The following CFAP73 variants were observed in gnomAD, a reference collection of about 807,000 sequenced individuals.
CFAP73 encodes the protein cilia- and flagella-associated protein 73.
Under a neutral mutation model 42.9 loss-of-function variants are expected in CFAP73, and 33 were observed. The ratio of observed to expected loss-of-function variants is 0.77; its 90% CI spans 0.58 to 1.03. CFAP73 has a LOEUF of 1.03. CFAP73 is among the 50% of genes least tolerant of loss of function. The pLI is 0.00. For missense variants in CFAP73, 392 were observed against 411.9 expected (o/e 0.95, Z 0.42); for synonymous variants, 162 against 186.8 (o/e 0.87, Z 1.08).
intron 4 of CFAP73, 112 bp downstream of exon 4, chr12:113,153,520 G>A: frequency 1.1e-6 from 1 of 871,758 alleles, no homozygotes; most frequent in Non-Finnish European, 1.6e-6. Flanking sequence ...GGAGATCTTG[G>A]CATGCATGCC....
At position 113,154,393 on chromosome 12, in the gene CFAP73, C is replaced by A. The variant is rs1345917253; in HGVS notation, c.469-21C>A. On this transcript the variant is annotated intron_variant, in intron 4 of 7. Coordinates refer to ENST00000335621, the MANE Select transcript of CFAP73 (RefSeq NM_001144872.3). The surrounding 1 kb of genome is among the most constrained non-coding windows in gnomAD (Gnocchi z 4.7). Reference sequence around the variant, plus strand: ...AGGCACTGCAGGCCCATGTGAGTCCCTTCCCCGCCCCCGACTCTAGTTCCA... The same window carrying A: ...AGGCACTGCAGGCCCATGTGAGTCCATTCCCCGCCCCCGACTCTAGTTCCA... The A allele has an allele frequency of 1.9e-6, 3 of 1,548,458 alleles. No homozygotes were observed. In the South Asian group the frequency reaches 3.6e-5, roughly 18 times the overall value.
In CFAP73 at chr12:113,158,748, C is replaced by A; in HGVS notation, c.*59C>A. On this transcript the variant is annotated 3_prime_UTR_variant, in exon 8 of 8. Coordinates refer to ENST00000335621, the MANE Select transcript of CFAP73 (RefSeq NM_001144872.3). This position sits in a 1 kb window ranked among gnomAD's most constrained non-coding sequence, Gnocchi z 4.9. Reference sequence around the variant, plus strand: ...TGTGGCCATACAGTGCTCCTTTTCACAGATGATGGCTCCTGCAGGGAGTGC... The same window carrying A: ...TGTGGCCATACAGTGCTCCTTTTCAAAGATGATGGCTCCTGCAGGGAGTGC... 9.5e-7 allele frequency: 1 copy of A among 1,057,558 alleles called. No individual in the cohort carries two copies. The highest frequency in any genetic ancestry group is 2.6e-5 in the East Asian group (1 of 37,780). The allele number at this position is 1,057,558 out of a possible 1,614,324, so 65.5% of individuals were successfully genotyped here.
Position 113,155,250 on chromosome 12 carries a change from T to C in CFAP73, c.691-10T>C. ...TTGCCATAATTGGGAGTGGGGCGGG[T>C]GTTCTCCAGGAATCCAAGTGGATTC... On this transcript the variant is annotated splice_polypyrimidine_tract_variant and intron_variant, in intron 5 of 7. Coordinates refer to ENST00000335621, the MANE Select transcript of CFAP73 (RefSeq NM_001144872.3). 1 of 1,502,468 alleles carries C rather than the reference T, an allele frequency of 6.7e-7. No homozygotes were observed. 93.1% of individuals were successfully genotyped at this position (1,502,468 alleles called of 1,614,324 possible).
Position 113,157,607 on chromosome 12 carries a change from G to A in CFAP73, c.855G>A (p.Lys285=). ...EDTEGQLEHV[K]LFMQDLSAML... is the part of the protein sequence containing the mutation. ...TTCGTGCTGGGCCCCCCCAGGTGAA[G>A]CTGTTCATGCAGGACCTCTCTGCCA... Residue 285 remains lysine (K), a synonymous_variant, in exon 7 of 8, where the codon AAG becomes AAA. Coordinates refer to ENST00000335621, the MANE Select transcript of CFAP73 (RefSeq NM_001144872.3). The A allele has an allele frequency of 1.3e-6, 2 of 1,551,678 alleles. No individual in the cohort carries two copies. The highest frequency in any genetic ancestry group is 1.7e-6 in the Non-Finnish European group (2 of 1,146,982).
rs927692889 is a variant in CFAP73, at chr12:113,155,503, C to A, written c.849+85C>A. On this transcript the variant is annotated intron_variant, in intron 6 of 7. Transcript: ENST00000335621. ...GCCTAAAACCCCACAGTTAGTGACA[C>A]CTTCTCTGGGTTAAGCATGGCCCTC... is the stretch of plus-strand genomic sequence containing the variant. 12 of 1,389,780 alleles carry A rather than the reference C, an allele frequency of 8.6e-6. No homozygotes were observed. In the Admixed American group the frequency reaches 1.7e-4, roughly 19 times the overall value. The allele number at this position is 1,389,780 out of a possible 1,614,324, so 86.1% of individuals were successfully genotyped here.
chr12:113,152,744 C>A lies in CFAP73; in HGVS notation c.163-39C>A, dbSNP rs1371911480. On this transcript the variant is annotated intron_variant, in intron 2 of 7. Coordinates refer to ENST00000335621, the MANE Select transcript of CFAP73 (RefSeq NM_001144872.3). The stretch of plus-strand genomic sequence containing the variant: ...ACCTGACAGCATGGGAGGACCCGGA[C>A]CCCCGAACCCACACAGACAACCCAC... 2.1e-6 allele frequency: 3 copies of A among 1,433,620 alleles called. No homozygotes were observed. The African/African-American group carries it at 4.2e-5, about 20-fold the overall frequency. 88.8% of individuals were successfully genotyped at this position (1,433,620 alleles called of 1,614,324 possible). A position where few individuals can be genotyped will look rare whatever the true frequency, so the allele number is the denominator to read the frequency against.
intron 6 of CFAP73, among the ~76,000 whole-genome samples, chr12:113,155,916 A>G (rs1257327530): frequency 6.7e-6 from 1 of 150,274 alleles, no homozygotes; most frequent in Non-Finnish European, 1.5e-5. Flanking sequence ...TGTGGTGTAG[A>G]ATGTGCCATA....
Position 113,154,015 on chromosome 12 carries a change from G to T in CFAP73, c.469-399G>T, listed in dbSNP as rs1952091713. ...AGAAAGCTAACTCTGGCCGGGCGCG[G>T]TGGCTCACGCCTGTAATCCCAACAC... On this transcript the variant is annotated intron_variant, in intron 4 of 7. Coordinates refer to ENST00000335621, the MANE Select transcript of CFAP73 (RefSeq NM_001144872.3). The surrounding 1 kb of genome is among the most constrained non-coding windows in gnomAD (Gnocchi z 4.7). 6.6e-6 allele frequency among the ~76,000 whole-genome samples: 1 copy of T among 152,142 alleles called. No individual in the cohort carries two copies. Among genetic ancestry groups the T allele is most frequent in the African/African-American group, 2.4e-5 (1 of 41,454 alleles).
chr12:113,156,398 C>T (rs552728798), intron 6 of CFAP73, among the ~76,000 whole-genome samples: 20 of 151,756 alleles, frequency 1.3e-4, no homozygotes, highest in African/African-American at 4.1e-4. Flanking sequence ...TTTATTCGGC[C>T]GGGAGCTCGG....
chr12:113,157,702 G>T lies in CFAP73; in HGVS notation c.*11+12G>T, dbSNP rs1363355307. The T allele has an allele frequency of 9.1e-6, 14 of 1,545,252 alleles. No individual in the cohort carries two copies. In the Admixed American group the frequency reaches 2.6e-4, roughly 28 times the overall value. On this transcript the variant is annotated intron_variant, in intron 7 of 7. Transcript: ENST00000335621. ...TAGCCCTGACACAGGTGAGCAGCGGGAGAGGGAACCCCTGAGAGACCCTGA... is the reference window on the plus strand; with the variant it reads ...TAGCCCTGACACAGGTGAGCAGCGGTAGAGGGAACCCCTGAGAGACCCTGA...
At chr12:113,152,913 G>T in intron 3 of CFAP73, 26 bp downstream of exon 3, 19 of 1,499,056 alleles carry the variant, frequency 1.3e-5, no homozygotes, top group Non-Finnish European at 1.7e-5. Context: ...TGGGGGGGAG[G>T]CGGGGCCTAT....
chr12:113,149,796 G>T lies in CFAP73; in HGVS notation c.-62G>T. 6.6e-7 allele frequency: 1 copy of T among 1,511,516 alleles called. No individual in the cohort carries two copies. Among genetic ancestry groups the T allele is most frequent in the Non-Finnish European group, 9.0e-7 (1 of 1,111,340 alleles). The allele number at this position is 1,511,516 out of a possible 1,614,324, so 93.6% of individuals were successfully genotyped here. The stretch of plus-strand genomic sequence containing the variant: ...CACCACGCTCCACAGAACCCCCAGG[G>T]TCTCCTAAGCTTGTGCAAAACTCCA... On this transcript the variant is annotated 5_prime_UTR_variant, in exon 1 of 8. Transcript: ENST00000335621.
intron 7 of CFAP73, chr12:113,157,894 T>C (rs1952152843): frequency 1.7e-6 from 1 of 590,854 alleles, no homozygotes; most frequent in Admixed American, 2.9e-5. Context: ...GAGGAGGTGA[T>C]GGGAAGGTCA....
chr12:113,152,821 G>A lies in CFAP73; in HGVS notation c.201G>A (p.Trp67Ter), dbSNP rs1413769016. Reference protein sequence around the residue: ...RTKTAALKQRWEQLEQKEREL... With the variant: ...RTKTAALKQR ...AGACGGCAGCCCTGAAACAGCGTTGGGAACAGCTGGAACAAAAGGAGCGGG... is the reference window on the plus strand; with the variant it reads ...AGACGGCAGCCCTGAAACAGCGTTGAGAACAGCTGGAACAAAAGGAGCGGG... Residue 67 changes from tryptophan to a stop codon, truncating the protein, a stop_gained, in exon 3 of 8, where the codon TGG becomes TGA. Coordinates refer to ENST00000335621, the MANE Select transcript of CFAP73 (RefSeq NM_001144872.3). LOFTEE classifies it high-confidence loss of function. 4 of 1,551,596 alleles carry A rather than the reference G, an allele frequency of 2.6e-6. No homozygotes were observed. The highest frequency in any genetic ancestry group is 1.7e-4 in the Middle Eastern group (1 of 6,014).
Position 113,154,521 on chromosome 12 carries a change from A to T in CFAP73, c.576A>T (p.Arg192=). ...REQLAELEAA[R]ARLQQLRDAW... is the part of the protein sequence containing the mutation. The stretch of plus-strand genomic sequence containing the variant: ...AGCTCGCGGAGCTGGAGGCGGCGCG[A>T]GCGCGGCTGCAGCAGCTGCGGGACG... The change falls in exon 5 of 8, where the codon CGA becomes CGT. Residue 192 remains arginine (R), a synonymous_variant. Coordinates refer to ENST00000335621, the MANE Select transcript of CFAP73 (RefSeq NM_001144872.3). This position sits in a 1 kb window ranked among gnomAD's most constrained non-coding sequence, Gnocchi z 4.7. The T allele has an allele frequency of 6.6e-7, 1 of 1,514,644 alleles. No individual in the cohort carries two copies. Among genetic ancestry groups the T allele is most frequent in the Non-Finnish European group, 8.8e-7 (1 of 1,136,092 alleles). The allele number at this position is 1,514,644 out of a possible 1,614,324, so 93.8% of individuals were successfully genotyped here.
intron 6 of CFAP73, chr12:113,157,350 C>A: frequency 1.8e-6 from 1 of 564,284 alleles, no homozygotes; most frequent in Non-Finnish European, 3.2e-6. Flanking sequence ...TTGGATAGTG[C>A]AGGTGACAGC....
intron 4 of CFAP73, 43 bp downstream of exon 4, chr12:113,153,451 G>A (rs1952085100): frequency 7.4e-7 from 1 of 1,360,174 alleles, no homozygotes; most frequent in African/African-American, 1.5e-5. Context: ...GCCACCGCGT[G>A]GCGCTGAGTG....
intron 2 of CFAP73, 121 bp downstream of exon 2, chr12:113,152,144 G>A (rs952287235): frequency 7.4e-6 from 5 of 676,698 alleles, no homozygotes; most frequent in Admixed American, 5.1e-5. Flanking sequence ...TTTCCTCATC[G>A]TCAAATGGGG....
chr12:113,154,523 C>G lies in CFAP73; in HGVS notation c.578C>G (p.Ala193Gly), dbSNP rs1952098581. 3 of 1,512,824 alleles carry G rather than the reference C, an allele frequency of 2.0e-6. No individual in the cohort carries two copies. The highest frequency in any genetic ancestry group is 1.2e-5 in the South Asian group (1 of 80,878). The allele number at this position is 1,512,824 out of a possible 1,614,324, so 93.7% of individuals were successfully genotyped here. Residue 193 changes from alanine (A) to glycine (G), a missense_variant, in exon 5 of 8, where the codon GCG (alanine) becomes GGG (glycine). Coordinates refer to ENST00000335621, the MANE Select transcript of CFAP73 (RefSeq NM_001144872.3). The surrounding 1 kb of genome is among the most constrained non-coding windows in gnomAD (Gnocchi z 4.7). ...CTCGCGGAGCTGGAGGCGGCGCGAG[C>G]GCGGCTGCAGCAGCTGCGGGACGCC... ...EQLAELEAAR[A>G]RLQQLRDAWP...
Sources: gnomAD v4.1 joint callset for allele counts (sites outside exome capture counted in the v4.1 genomes callset) on GRCh38, gnomAD v4.1.1 for gene constraint, Gnocchi (gnomAD v3.1) non-coding constraint, MANE v1.5 for transcripts, NCBI Gene and HGNC (gene_info 2026-07-23, HGNC 2026-07-21) for gene names.